The following MLLT3 variants were observed in gnomAD, a reference collection of about 807,000 sequenced individuals.
MLLT3 encodes the protein protein AF-9.
MLLT3 carries 4 observed loss-of-function variants against 53.2 expected under a neutral mutation model. The observed-to-expected ratio is 0.08, with a 90% CI of 0.04 to 0.17. The LOEUF (loss-of-function observed/expected upper bound fraction) is 0.17. Ranked by LOEUF, MLLT3 falls within the 10% of genes least tolerant of loss-of-function variation. MLLT3 has a pLI of 1.00. For missense variants in MLLT3, 569 were observed against 684.0 expected (o/e 0.83, Z 1.87); for synonymous variants, 283 against 230.6 (o/e 1.23, Z -2.06).
chr9:20,558,116 A>C (rs1315617103), intron 2 of MLLT3, among the ~76,000 whole-genome samples: 1 of 152,186 alleles, frequency 6.6e-6, no homozygotes, highest in African/African-American at 2.4e-5. Context: ...GGACAGTACT[A>C]AACAGCAGCT....
At chr9:20,574,418 A>G (rs917012345) in intron 2 of MLLT3, among the ~76,000 whole-genome samples, 1 of 152,248 alleles carries the variant, frequency 6.6e-6, no homozygotes. Context: ...TTGCAAGTTC[A>G]TTGCAAATGA....
intron 4 of MLLT3, among the ~76,000 whole-genome samples, chr9:20,432,052 A>G (rs2118816797): frequency 6.6e-6 from 1 of 152,316 alleles, no homozygotes; most frequent in East Asian, 1.9e-4. Flanking sequence ...GTGGTTTGTA[A>G]TATAACATTT....
At chr9:20,380,020 G>A (rs1029693502) in intron 5 of MLLT3, among the ~76,000 whole-genome samples, 1 of 152,038 alleles carries the variant, frequency 6.6e-6, no homozygotes, top group Admixed American at 6.6e-5. Context: ...ATTGCCCAGT[G>A]AGCTAACATT....
At chr9:20,571,433 C>A (rs1228477448) in intron 2 of MLLT3, among the ~76,000 whole-genome samples, 2 of 151,992 alleles carry the variant, frequency 1.3e-5, no homozygotes, top group African/African-American at 4.8e-5. Flanking sequence ...ATAAAAAAAA[C>A]CTGATTTTAT....
At chr9:20,466,060 C>G (rs774145604) in intron 2 of MLLT3, among the ~76,000 whole-genome samples, 37 of 152,018 alleles carry the variant, frequency 2.4e-4, no homozygotes, top group Non-Finnish European at 7.4e-5. Flanking sequence ...GGTATTTGTC[C>G]CAAACAATGA....
chr9:20,390,719 T>C (rs1165984322), intron 5 of MLLT3, among the ~76,000 whole-genome samples: 1 of 152,182 alleles, frequency 6.6e-6, no homozygotes, highest in African/African-American at 2.4e-5. Flanking sequence ...AGAGGGAGCA[T>C]TAAAGTTTCT....
intron 2 of MLLT3, among the ~76,000 whole-genome samples, chr9:20,571,373 G>C (rs1474374484): frequency 6.6e-6 from 1 of 152,098 alleles, no homozygotes; most frequent in Non-Finnish European, 1.5e-5. Context: ...AAACCTACAT[G>C]TAATAAGAGC....
chr9:20,428,987 CAAAGA>C (rs1008729058), intron 4 of MLLT3, among the ~76,000 whole-genome samples: 45 of 151,994 alleles, frequency 3.0e-4, no homozygotes, highest in African/African-American at 1.1e-3. Context: ...AATCTTCCTA[CAAAGA>C]AAACATCAAG....
intron 4 of MLLT3, among the ~76,000 whole-genome samples, chr9:20,428,835 C>T (rs774843784): frequency 3.9e-5 from 6 of 151,954 alleles, no homozygotes; most frequent in Non-Finnish European, 7.4e-5. Context: ...ACAGATAAAA[C>T]AGATAAGAAT....
In MLLT3 at chr9:20,541,612, C is replaced by T. The variant is rs371566465; in HGVS notation, c.193+79042G>A. 2.8e-4 allele frequency among the ~76,000 whole-genome samples: 42 copies of T among 152,214 alleles called. No homozygotes were observed. In the East Asian group the frequency reaches 5.0e-3, roughly 18 times the overall value. ...TCATAAGGCCCGCATAGGGGAAATC[C>T]GCCCCCATGATCCAATCAACACCCA... On this transcript the variant is annotated intron_variant, in intron 2 of 10. Coordinates refer to ENST00000380338, the MANE Select transcript of MLLT3 (RefSeq NM_004529.4).
At chr9:20,401,131 A>G (rs1822443676) in intron 5 of MLLT3, among the ~76,000 whole-genome samples, 1 of 152,174 alleles carries the variant, frequency 6.6e-6, no homozygotes, top group Non-Finnish European at 1.5e-5. Context: ...ATAAGATCTG[A>G]GGGAAAAGAA....
chr9:20,599,134 T>C (rs1373885795), intron 2 of MLLT3, among the ~76,000 whole-genome samples: 1 of 151,890 alleles, frequency 6.6e-6, no homozygotes, highest in Non-Finnish European at 1.5e-5. Flanking sequence ...TGAAACCCTG[T>C]CTCTACTAAA....
chr9:20,575,102 C>A (rs1219136284), intron 2 of MLLT3, among the ~76,000 whole-genome samples: 1 of 152,200 alleles, frequency 6.6e-6, no homozygotes, highest in Non-Finnish European at 1.5e-5. Flanking sequence ...AATTCTACTT[C>A]TCTTTCCACC....
intron 2 of MLLT3, among the ~76,000 whole-genome samples, chr9:20,499,841 G>A (rs1187807692): frequency 3.9e-5 from 6 of 152,144 alleles, no homozygotes. Context: ...GAGGCGAGAG[G>A]ATTATTTGAG....
chr9:20,428,404 G>T (rs963274186), intron 4 of MLLT3, among the ~76,000 whole-genome samples: 1 of 151,558 alleles, frequency 6.6e-6, no homozygotes, highest in Non-Finnish European at 1.5e-5. Context: ...ATTTAAAAAC[G>T]TTTTAATGTT....
Position 20,428,304 on chromosome 9 carries a change from GC to G in MLLT3, c.421-13880del, listed in dbSNP as rs1823185619. ...ACAAACTGAGTGTTTACTAACAGGA[GC>G]CTTTTAGTAAAAGAACATCCACAGG... On this transcript the variant is annotated intron_variant, in intron 4 of 10. Transcript: ENST00000380338. 2.0e-5 allele frequency among the ~76,000 whole-genome samples: 3 copies of G among 151,920 alleles called. No individual in the cohort carries two copies. The South Asian group carries it at 6.2e-4, about 32-fold the overall frequency.
intron 4 of MLLT3, among the ~76,000 whole-genome samples, chr9:20,446,520 T>C (rs1303976487): frequency 1.3e-5 from 2 of 152,228 alleles, no homozygotes; most frequent in Non-Finnish European, 2.9e-5. Context: ...TCTTGTGTCA[T>C]ATTTACGTTT....
intron 2 of MLLT3, among the ~76,000 whole-genome samples, chr9:20,575,736 G>T (rs530361917): frequency 4.2e-4 from 64 of 152,272 alleles, no homozygotes; most frequent in African/African-American, 1.5e-3. Flanking sequence ...AGCAGATATT[G>T]TAAGTAGATG....
intron 2 of MLLT3, among the ~76,000 whole-genome samples, chr9:20,459,996 GTTTA>G (rs1431317488): frequency 2.0e-5 from 3 of 152,254 alleles, no homozygotes; most frequent in Non-Finnish European, 4.4e-5. Flanking sequence ...AGGGGAAGTT[GTTTA>G]TTTATTTGGG....
Sources: gnomAD v4.1 joint callset for allele counts (sites outside exome capture counted in the v4.1 genomes callset) on GRCh38, gnomAD v4.1.1 for gene constraint, MANE v1.5 for transcripts, NCBI Gene and HGNC (gene_info 2026-07-23, HGNC 2026-07-21) for gene names.